INVS: variants seen among roughly 807,000 people sequenced by gnomAD.
The protein encoded by INVS is inversin, also known as inversion of embryo turning homolog.
A neutral mutation model predicts 108.8 loss-of-function variants in INVS; 86 were observed. The ratio of observed to expected loss-of-function variants is 0.79; its 90% CI spans 0.66 to 0.95. The LOEUF is 0.95. INVS is among the 40% of genes least tolerant of loss of function. INVS has a pLI of 0.00. For missense variants in INVS, 1,169 were observed against 1,297.4 expected, an observed-to-expected ratio of 0.90 and a Z score of 1.52; for synonymous variants, 455 against 473.5, an observed-to-expected ratio of 0.96 and a Z score of 0.51.
intron 3 of INVS, among the ~76,000 whole-genome samples, chr9:100,177,413 G>A (rs1338479858): frequency 6.6e-6 from 1 of 152,164 alleles, no homozygotes; most frequent in Non-Finnish European, 1.5e-5. Context: ...GTCTGAAGTC[G>A]ACCTGGGACA....
chr9:100,278,352 C>G (rs1833172219), intron 12 of INVS, among the ~76,000 whole-genome samples: 1 of 151,964 alleles, frequency 6.6e-6, no homozygotes, highest in Non-Finnish European at 1.5e-5. Flanking sequence ...ATTCCTCTCT[C>G]ATTCTTCATA....
intron 3 of INVS, among the ~76,000 whole-genome samples, chr9:100,187,525 C>CT (rs34728274): frequency 0.33 from 34,852 of 105,412 alleles, 7,330 homozygotes; most frequent in Non-Finnish European, 0.43. Context: ...TCTATGATTT[C>CT]TTTTTTTTTT....
At chr9:100,197,506 G>A (rs879462894) in intron 3 of INVS, among the ~76,000 whole-genome samples, 1 of 152,192 alleles carries the variant, frequency 6.6e-6, no homozygotes, top group Non-Finnish European at 1.5e-5. Context: ...TCTGTGGAGT[G>A]GGGTGCACCA....
intron 12 of INVS, among the ~76,000 whole-genome samples, chr9:100,280,954 G>T (rs1193677017): frequency 1.3e-5 from 2 of 152,102 alleles, no homozygotes; most frequent in Admixed American, 6.6e-5. Flanking sequence ...TAGCCTAAAA[G>T]TTCAAGGTTA....
At chr9:100,144,372 A>C (rs747846821) in intron 3 of INVS, among the ~76,000 whole-genome samples, 43 of 152,158 alleles carry the variant, frequency 2.8e-4, no homozygotes, top group Non-Finnish European at 5.0e-4. Flanking sequence ...AGCTTTATTT[A>C]AAGTCAGGAG....
chr9:100,152,840 G>A (rs1048494467), intron 3 of INVS, among the ~76,000 whole-genome samples: 2 of 152,052 alleles, frequency 1.3e-5, no homozygotes, highest in African/African-American at 4.8e-5. Flanking sequence ...TATGGTTTGG[G>A]TCCTTTTATT....
At chr9:100,158,940 T>C (rs1380968689) in intron 3 of INVS, among the ~76,000 whole-genome samples, 1 of 152,136 alleles carries the variant, frequency 6.6e-6, no homozygotes, top group Non-Finnish European at 1.5e-5. Flanking sequence ...TCTCTCCCTC[T>C]CTCTCTCTTG....
intron 3 of INVS, among the ~76,000 whole-genome samples, chr9:100,182,857 T>C (rs1829936431): frequency 6.6e-6 from 1 of 151,628 alleles, no homozygotes; most frequent in East Asian, 1.9e-4. Context: ...CTATTCACAA[T>C]AAGACTTGGA....
chr9:100,169,396 G>T (rs113985137), intron 3 of INVS, among the ~76,000 whole-genome samples: 1 of 152,136 alleles, frequency 6.6e-6, no homozygotes, highest in African/African-American at 2.4e-5. Flanking sequence ...AATGGAGAAG[G>T]TATTTGAGAA....
At chr9:100,240,262 C>T (rs765768631) in intron 6 of INVS, 22 bp downstream of exon 6, 72 of 1,588,454 alleles carry the variant, frequency 4.5e-5, no homozygotes, top group Non-Finnish European at 6.1e-5. Flanking sequence ...AAAGGATCAA[C>T]AGTAAAAGGA....
In INVS at chr9:100,125,706, A is replaced by C. The variant is rs187603658; in HGVS notation, c.107-677A>C. On this transcript the variant is annotated intron_variant, in intron 2 of 16. Coordinates refer to ENST00000262457, the MANE Select transcript of INVS (RefSeq NM_014425.5). The stretch of plus-strand genomic sequence containing the variant: ...ATTTTTTTTTTTTTTTTTTTTTGAG[A>C]TGGAGTTTTACTCTCGTTGTCCAGG... Among the ~76,000 whole-genome samples, 3 of 113,568 alleles carry C rather than the reference A, an allele frequency of 2.6e-5. No homozygotes were observed. The East Asian group carries it at 8.2e-4, about 31-fold the overall frequency. 74.5% of individuals were successfully genotyped at this position (113,568 alleles called of 152,430 possible).
At chr9:100,169,568 A>G (rs965207911) in intron 3 of INVS, among the ~76,000 whole-genome samples, 3 of 152,218 alleles carry the variant, frequency 2.0e-5, no homozygotes, top group Admixed American at 1.3e-4. Flanking sequence ...CTTCTTTATG[A>G]GTCCATTCTC....
chr9:100,249,434 AAGAT>A (rs1832151116), intron 8 of INVS, among the ~76,000 whole-genome samples: 1 of 152,150 alleles, frequency 6.6e-6, no homozygotes, highest in African/African-American at 2.4e-5. Flanking sequence ...AATTAAGTAA[AAGAT>A]AAAATTAATG....
chr9:100,198,321 C>T (rs1311621652), intron 3 of INVS, among the ~76,000 whole-genome samples: 6 of 55,744 alleles, frequency 1.1e-4, no homozygotes, highest in African/African-American at 4.6e-4. Flanking sequence ...TTTTTGGAGA[C>T]AGTTTCACTC....
chr9:100,142,156 G>A (rs1339430985), intron 3 of INVS, among the ~76,000 whole-genome samples: 2 of 152,174 alleles, frequency 1.3e-5, no homozygotes, highest in East Asian at 1.9e-4. Context: ...AAGCGGCGTT[G>A]AGAAGCGTTT....
Position 100,284,284 on chromosome 9 carries a change from AAATTTTTTCATCTTCTTC to A in INVS, c.1785-35_1785-18del. ...GAGACTTGAGGAGGTGATACTCTTT[AAATTTTTTCATCTTCTTC>A]TTTGGCTTTGCTTCCAGAAAGCGAG... On this transcript the variant is annotated intron_variant, in intron 12 of 16. Transcript: ENST00000262457. 6.2e-7 allele frequency: 1 copy of A among 1,612,628 alleles called. No homozygotes were observed. Among genetic ancestry groups the A allele is most frequent in the South Asian group, 1.1e-5 (1 of 91,016 alleles).
intron 2 of INVS, among the ~76,000 whole-genome samples, chr9:100,106,972 G>A (rs1261247624): frequency 6.6e-6 from 1 of 152,108 alleles, no homozygotes; most frequent in South Asian, 2.1e-4. Context: ...AGAATGAATG[G>A]GGGGCAAATA....
In INVS at chr9:100,246,510, G is replaced by T. The variant is rs1196145425; in HGVS notation, c.907-106G>T. On this transcript the variant is annotated intron_variant, in intron 7 of 16. Transcript: ENST00000262457. Reference sequence around the variant, plus strand: ...ATTTAATTTGATTCAAAAGCAAGGGGAAAATGCTTTGCTTCTTAATGGAAT... The same window carrying T: ...ATTTAATTTGATTCAAAAGCAAGGGTAAAATGCTTTGCTTCTTAATGGAAT... The T allele has an allele frequency of 7.9e-6, 6 of 762,902 alleles. No homozygotes were observed. The East Asian group carries it at 1.6e-4, about 21-fold the overall frequency. The allele number at this position is 762,902 out of a possible 1,614,324, so 47.3% of individuals were successfully genotyped here.
chr9:100,148,437 A>AT (rs1264638369), intron 3 of INVS, among the ~76,000 whole-genome samples: 1 of 152,224 alleles, frequency 6.6e-6, no homozygotes, highest in East Asian at 1.9e-4. Context: ...AGAAATAGAC[A>AT]TGTTTGAGCA....
Sources: allele counts gnomAD v4.1 joint callset (sites outside exome capture counted in the v4.1 genomes callset), GRCh38; gene constraint gnomAD v4.1.1; transcripts MANE v1.5; gene names NCBI Gene and HGNC (gene_info 2026-07-23, HGNC 2026-07-21).